Variants in PRKCE observed in about 807,000 individuals in gnomAD.
The protein encoded by PRKCE is protein kinase C epsilon.
In PRKCE, 16 loss-of-function variants were observed where a neutral mutation model predicts 85.4. The observed-to-expected ratio is 0.19, with a 90% confidence interval of 0.13 to 0.28. The LOEUF is 0.28. Among genes scored for constraint, PRKCE ranks in the 10% least tolerant of loss-of-function variants. The pLI is 1.00. For synonymous variants in PRKCE, 388 were observed against 371.5 expected (o/e 1.04, Z -0.51); for missense variants, 573 against 975.2 (o/e 0.59, Z 5.49).
intron 1 of PRKCE, among the ~76,000 whole-genome samples, chr2:45,724,488 C>T (rs1401026729): frequency 1.3e-5 from 2 of 152,140 alleles, no homozygotes; most frequent in South Asian, 2.1e-4. Context: ...AAGGAAGTCT[C>T]AGAGCTCTCA....
chr2:45,757,305 CAAAAAAAA>C (rs35603923), intron 1 of PRKCE, among the ~76,000 whole-genome samples: 6 of 50,778 alleles, frequency 1.2e-4, no homozygotes, highest in African/African-American at 4.1e-4. Context: ...AGACTGTCTC[CAAAAAAAA>C]AAAAAAAAAA....
chr2:46,010,333 A>G lies in PRKCE; in HGVS notation c.1264-11A>G, dbSNP rs200137251. On this transcript the variant is annotated splice_polypyrimidine_tract_variant and intron_variant, in intron 9 of 14. Coordinates refer to ENST00000306156, the MANE Select transcript of PRKCE (RefSeq NM_005400.3). The stretch of plus-strand genomic sequence containing the variant: ...ATGCATAGATTGATGGAGGCAATTG[A>G]TTGATTGCAGGTCATGTTGGCAGAA... 95 of 1,583,552 alleles carry G rather than the reference A, an allele frequency of 6.0e-5. 1 individual carries two copies. The East Asian group carries it at 2.0e-3, about 34-fold the overall frequency.
intron 1 of PRKCE, among the ~76,000 whole-genome samples, chr2:45,696,959 C>A (rs1374005434): frequency 1.3e-5 from 2 of 152,216 alleles, no homozygotes; most frequent in Non-Finnish European, 2.9e-5. Flanking sequence ...GGGCCCCACA[C>A]CCCACTTCCT....
At chr2:45,828,798 A>T (rs1187106554) in intron 1 of PRKCE, among the ~76,000 whole-genome samples, 1 of 152,176 alleles carries the variant, frequency 6.6e-6, no homozygotes, top group East Asian at 1.9e-4. Flanking sequence ...AAGCTATAGT[A>T]GAAGGTAGAA....
chr2:46,113,657 G>A (rs537545147), intron 11 of PRKCE, among the ~76,000 whole-genome samples: 3 of 152,312 alleles, frequency 2.0e-5, no homozygotes, highest in Admixed American at 1.3e-4. Context: ...AGAGTTTGCA[G>A]TCCCTGGCTT....
At chr2:46,076,219 G>A (rs941216214) in intron 10 of PRKCE, among the ~76,000 whole-genome samples, 2 of 152,182 alleles carry the variant, frequency 1.3e-5, no homozygotes, top group East Asian at 3.8e-4. Flanking sequence ...GCTATTGTTC[G>A]TGGCAGGAGA....
At chr2:45,658,749 A>C (rs575243264) in intron 1 of PRKCE, among the ~76,000 whole-genome samples, 2 of 152,246 alleles carry the variant, frequency 1.3e-5, no homozygotes, top group African/African-American at 4.8e-5. Context: ...AGAATCTTAA[A>C]TCAGAACATA....
At chr2:45,662,702 T>C (rs1042043151) in intron 1 of PRKCE, among the ~76,000 whole-genome samples, 12 of 151,340 alleles carry the variant, frequency 7.9e-5, no homozygotes, top group South Asian at 4.2e-4. Context: ...CTTTTTTTTT[T>C]CCCTCTTTGC....
intron 1 of PRKCE, among the ~76,000 whole-genome samples, chr2:45,664,735 G>A (rs1051082362): frequency 3.3e-5 from 5 of 152,228 alleles, no homozygotes; most frequent in Non-Finnish European, 1.5e-5. Flanking sequence ...TTGTGTATTT[G>A]AAAAGCTGAG....
chr2:46,146,974 T>C (rs1676128609), intron 12 of PRKCE, among the ~76,000 whole-genome samples: 1 of 152,062 alleles, frequency 6.6e-6, no homozygotes, highest in Non-Finnish European at 1.5e-5. Context: ...GTCAGATCCA[T>C]CCCAGGAAGA....
chr2:45,876,222 A>C (rs1001101141), intron 2 of PRKCE, among the ~76,000 whole-genome samples: 8 of 152,214 alleles, frequency 5.3e-5, no homozygotes, highest in African/African-American at 1.7e-4. Flanking sequence ...AATCTCGTCA[A>C]ATCACTTCCT....
chr2:46,179,955 G>C (rs892346578), intron 14 of PRKCE, among the ~76,000 whole-genome samples: 6 of 152,110 alleles, frequency 3.9e-5, no homozygotes, highest in African/African-American at 7.2e-5. Context: ...AGCAGCAAGA[G>C]AGGTGCATTT....
chr2:46,037,002 G>A (rs1174387020), intron 10 of PRKCE, among the ~76,000 whole-genome samples: 18 of 152,230 alleles, frequency 1.2e-4, no homozygotes, highest in Non-Finnish European at 1.2e-4. Flanking sequence ...GAAGCTCCCA[G>A]CAGCTGCCAG....
Position 45,905,315 on chromosome 2 carries a change from C to G in PRKCE, c.412+62252C>G, listed in dbSNP as rs2103765772. ...GGGAAGCTCCAAAAAAAAAGTAACT[C>G]AGAGGTCAAGGTGAACCCTGAATGA... On this transcript the variant is annotated intron_variant, in intron 2 of 14. Coordinates refer to ENST00000306156, the MANE Select transcript of PRKCE (RefSeq NM_005400.3). This position sits in a 1 kb window ranked among gnomAD's most constrained non-coding sequence, Gnocchi z 4.4. Among the ~76,000 whole-genome samples the G allele has an allele frequency of 6.6e-6, 1 of 152,310 alleles. No homozygotes were observed. The highest frequency in any genetic ancestry group is 2.4e-5 in the African/African-American group (1 of 41,558).
At chr2:46,037,549 A>C (rs1707945711) in intron 10 of PRKCE, among the ~76,000 whole-genome samples, 1 of 152,244 alleles carries the variant, frequency 6.6e-6, no homozygotes, top group Non-Finnish European at 1.5e-5. Context: ...GGTTGGTAAC[A>C]CTATAGCTGA....
chr2:46,106,932 C>G lies in PRKCE; in HGVS notation c.1592+20570C>G, dbSNP rs529333320. On this transcript the variant is annotated intron_variant, in intron 11 of 14. Transcript: ENST00000306156. Reference sequence around the variant, plus strand: ...CACCCTTCGATGAAGTTGTTTCATACATTTATAATACAGATAAGTTATTTT... The same window carrying G: ...CACCCTTCGATGAAGTTGTTTCATAGATTTATAATACAGATAAGTTATTTT... Among the ~76,000 whole-genome samples, 4 of 152,336 alleles carry G rather than the reference C, an allele frequency of 2.6e-5. No individual in the cohort carries two copies. The East Asian group carries it at 7.7e-4, about 29-fold the overall frequency.
At chr2:46,115,230 C>G (rs1189365331) in intron 11 of PRKCE, among the ~76,000 whole-genome samples, 1 of 152,234 alleles carries the variant, frequency 6.6e-6, no homozygotes, top group Non-Finnish European at 1.5e-5. Flanking sequence ...AGCCTGTCAC[C>G]TTGGCCTCTT....
At position 45,801,468 on chromosome 2, in the gene PRKCE, G is replaced by C. The variant is rs1481187157; in HGVS notation, c.349-41532G>C. ...ACAGGAAGGGGAGCAGTGGAGAAGG[G>C]GGTAAATCCCACAGGACTCAGTCAT... On this transcript the variant is annotated intron_variant, in intron 1 of 14. Coordinates refer to ENST00000306156, the MANE Select transcript of PRKCE (RefSeq NM_005400.3). Among the ~76,000 whole-genome samples, 4 of 151,748 alleles carry C rather than the reference G, an allele frequency of 2.6e-5. No individual in the cohort carries two copies. The East Asian group carries it at 5.8e-4, about 22-fold the overall frequency.
chr2:45,820,164 G>C (rs914184834), intron 1 of PRKCE, among the ~76,000 whole-genome samples: 1 of 152,106 alleles, frequency 6.6e-6, no homozygotes, highest in Non-Finnish European at 1.5e-5. Context: ...AGCTTTTCTT[G>C]GTGTTACATC....
Sources: allele counts gnomAD v4.1 joint callset (sites outside exome capture counted in the v4.1 genomes callset), GRCh38; gene constraint gnomAD v4.1.1; non-coding constraint Gnocchi (gnomAD v3.1); transcripts MANE v1.5; gene names NCBI Gene and HGNC (gene_info 2026-07-23, HGNC 2026-07-21).